Variants in TRIP11 observed in about 807,000 individuals in gnomAD.
TRIP11 encodes thyroid receptor-interacting protein 11.
In TRIP11, 148 loss-of-function variants were observed where a neutral mutation model predicts 223.1. That is an observed-to-expected ratio of 0.66 (90% confidence interval 0.58 to 0.76). TRIP11 has a LOEUF of 0.76. Ranked by LOEUF, TRIP11 falls within the 30% of genes least tolerant of loss-of-function variation. The pLI is 0.00. For missense variants in TRIP11, 2,043 were observed against 2,222.0 expected (o/e 0.92, Z 1.62); for synonymous variants, 762 against 772.6 (o/e 0.99, Z 0.23).
Position 92,004,606 on chromosome 14 carries a change from C to T in TRIP11, c.3370G>A (p.Asp1124Asn), listed in dbSNP as rs1466692158. 6.2e-7 allele frequency: 1 copy of T among 1,613,980 alleles called. No homozygotes were observed. The highest frequency in any genetic ancestry group is 1.3e-5 in the African/African-American group (1 of 74,920). Reference protein sequence around the residue: ...HLKTEYHKMMDIVAAKEAALI... With the variant: ...HLKTEYHKMMNIVAAKEAALI... ...GCTGCTTCCTTGGCAGCAACAATAT[C>T]CATCATTTTGTGATATTCTGTTTTT... is the stretch of plus-strand genomic sequence containing the variant. Residue 1124 changes from aspartate to asparagine, a missense_variant, in exon 11 of 21, where the codon GAT becomes AAT. Coordinates refer to ENST00000267622, the MANE Select transcript of TRIP11 (RefSeq NM_004239.4).
rs777164940 is a variant in TRIP11, at chr14:92,004,893, C to T, written c.3083G>A (p.Arg1028Gln). Residue 1028 changes from arginine to glutamine, a missense_variant, in exon 11 of 21, where the codon CGA becomes CAA. Arg to Gln is a conservative substitution (Grantham distance 43). Transcript: ENST00000267622. ...TERLVKGIKE[R>Q]ELEIKLLNEK... ...ATTTAGAAGTTTAATCTCCAGTTCT[C>T]GCTCTTTTATTCCTTTCACTAATCT... 191 of 1,613,728 alleles carry T rather than the reference C, an allele frequency of 1.2e-4. No homozygotes were observed. The highest frequency in any genetic ancestry group is 1.6e-4 in the Non-Finnish European group (188 of 1,179,990).
intron 9 of TRIP11, among the ~76,000 whole-genome samples, chr14:92,009,677 C>G (rs916837031): frequency 6.6e-6 from 1 of 152,016 alleles, no homozygotes; most frequent in African/African-American, 2.4e-5. Flanking sequence ...CAGTGTAGTG[C>G]CCACAACTAA....
intron 1 of TRIP11, among the ~76,000 whole-genome samples, chr14:92,039,043 GT>G (rs1324119211): frequency 1.3e-5 from 2 of 152,078 alleles, no homozygotes; most frequent in African/African-American, 4.8e-5. Context: ...ATAAGGAAAA[GT>G]AAAAAATAAT....
At chr14:91,998,602 G>A (rs1353517868) in intron 13 of TRIP11, among the ~76,000 whole-genome samples, 1 of 151,388 alleles carries the variant, frequency 6.6e-6, no homozygotes, top group Admixed American at 6.6e-5. Context: ...AGTATAAAAA[G>A]GCACACAAAA....
Position 92,039,985 on chromosome 14 carries a change from C to A in TRIP11, c.-300G>T, listed in dbSNP as rs2057367291. ...CTTCTTTCTCAGCTCTAATGACTTT[C>A]CTCAGTTCCGTGGGTTACTCCTGCC... is the stretch of plus-strand genomic sequence containing the variant. On this transcript the variant is annotated 5_prime_UTR_variant, in exon 1 of 21. It introduces an in-frame stop codon into an upstream open reading frame of the 5' UTR. Transcript: ENST00000267622. 1 of 494,780 alleles carries A rather than the reference C, an allele frequency of 2.0e-6. No individual in the cohort carries two copies. The highest frequency in any genetic ancestry group is 1.9e-5 in the African/African-American group (1 of 52,154). The allele number at this position is 494,780 out of a possible 1,614,324, so 30.6% of individuals were successfully genotyped here.
intron 9 of TRIP11, among the ~76,000 whole-genome samples, chr14:92,010,770 T>C (rs1245433989): frequency 6.6e-6 from 1 of 151,914 alleles, no homozygotes; most frequent in East Asian, 1.9e-4. Context: ...TCTGTGTGCC[T>C]ACTAGCTTAT....
At chr14:91,999,843 A>G (rs1224460318) in intron 12 of TRIP11, 125 bp downstream of exon 12, 2 of 1,288,400 alleles carry the variant, frequency 1.6e-6, no homozygotes, top group South Asian at 2.6e-5. Context: ...ACTACTGCAC[A>G]GCAGAGGAAG....
intron 18 of TRIP11, 41 bp from the exon 19 acceptor site, chr14:91,974,784 AG>A (rs1226003442): frequency 1.4e-6 from 2 of 1,432,942 alleles, no homozygotes; most frequent in Non-Finnish European, 1.9e-6. Context: ...TATCAGTACA[AG>A]AAAAAAAAAA....
chr14:91,992,347 A>C (rs2056685186), intron 15 of TRIP11, among the ~76,000 whole-genome samples: 1 of 152,168 alleles, frequency 6.6e-6, no homozygotes. Context: ...GAAGGGGTGC[A>C]TAAGGAACTT....
intron 1 of TRIP11, among the ~76,000 whole-genome samples, chr14:92,036,935 G>A (rs1181171853): frequency 6.6e-6 from 1 of 152,084 alleles, no homozygotes; most frequent in African/African-American, 2.4e-5. Flanking sequence ...TCCCTATGTT[G>A]CCCAGGCTAG....
chr14:91,987,258 A>G (rs1429435519), intron 16 of TRIP11, among the ~76,000 whole-genome samples: 2 of 152,132 alleles, frequency 1.3e-5, no homozygotes, highest in African/African-American at 4.8e-5. Flanking sequence ...CTTGCCTCAG[A>G]ATCAAGTCAT....
intron 9 of TRIP11, among the ~76,000 whole-genome samples, chr14:92,008,249 C>T (rs1285845103): frequency 6.6e-6 from 1 of 152,188 alleles, no homozygotes; most frequent in African/African-American, 2.4e-5. Flanking sequence ...TTTCTGCCTT[C>T]CTCACTTCCA....
Position 92,039,665 on chromosome 14 carries a change from G to GC in TRIP11, c.20dup (p.Leu8ProfsTer44), listed in dbSNP as rs745780497. 1.2e-6 allele frequency: 2 copies of GC among 1,612,396 alleles called. No individual in the cohort carries two copies. The highest frequency in any genetic ancestry group is 1.7e-6 in the Non-Finnish European group (2 of 1,179,384). ...GAGACTGGCCCAATCCGGAGCCGAG[G>GC]CCCCCAAGCCAGGACGACATCGCGG... On this transcript the variant is annotated frameshift_variant, in exon 1 of 21. Coordinates refer to ENST00000267622, the MANE Select transcript of TRIP11 (RefSeq NM_004239.4). LOFTEE classifies it high-confidence loss of function.
At chr14:92,008,382 G>C (rs919231383) in intron 9 of TRIP11, among the ~76,000 whole-genome samples, 1 of 152,138 alleles carries the variant, frequency 6.6e-6, no homozygotes, top group Non-Finnish European at 1.5e-5. Context: ...TCTTACTAAA[G>C]GAATTTCCCT....
At chr14:92,032,367 T>A (rs1460179604) in intron 2 of TRIP11, among the ~76,000 whole-genome samples, 2 of 151,924 alleles carry the variant, frequency 1.3e-5, no homozygotes, top group Non-Finnish European at 2.9e-5. Flanking sequence ...TCCAGGCTTG[T>A]CTCAAACTCC....
chr14:92,032,775 G>C (rs569484652), intron 2 of TRIP11, among the ~76,000 whole-genome samples: 5 of 151,008 alleles, frequency 3.3e-5, no homozygotes, highest in Non-Finnish European at 5.9e-5. Context: ...GGAGGTTGTA[G>C]TGAGCCAAGA....
intron 14 of TRIP11, among the ~76,000 whole-genome samples, chr14:91,994,328 T>G (rs2056720428): frequency 6.7e-6 from 1 of 149,480 alleles, no homozygotes; most frequent in Admixed American, 6.7e-5. Context: ...TGGTGTCATC[T>G]CGGCTCACTC....
intron 16 of TRIP11, among the ~76,000 whole-genome samples, chr14:91,979,257 C>CAAAA (rs558337126): frequency 1.1e-4 from 11 of 102,838 alleles, no homozygotes; most frequent in South Asian, 3.1e-4. Flanking sequence ...ACCCTGTCTC[C>CAAAA]AAAAAAAAAA....
At position 92,003,680 on chromosome 14, in the gene TRIP11, G is replaced by T. The variant is rs781355170; in HGVS notation, c.4296C>A (p.Asn1432Lys). 1.9e-5 allele frequency: 30 copies of T among 1,613,960 alleles called. No homozygotes were observed. The East Asian group carries it at 6.5e-4, about 35-fold the overall frequency. ...TCAAAAGTTCGTTTTCATTTACTTT[G>T]TTAGTGAAATTTTCATTGGAAGAAA... is the stretch of plus-strand genomic sequence containing the variant. ...QLLSSNENFTNKVNENELLRQ... is the reference protein window; with the variant it reads ...QLLSSNENFTKKVNENELLRQ... Residue 1432 changes from asparagine (N) to lysine (K), a missense_variant, in exon 11 of 21, where the codon AAC (asparagine) becomes AAA (lysine). Physicochemically the swap from Asn to Lys is moderately conservative, Grantham distance 94. Coordinates refer to ENST00000267622, the MANE Select transcript of TRIP11 (RefSeq NM_004239.4).
Sources: allele counts gnomAD v4.1 joint callset (sites outside exome capture counted in the v4.1 genomes callset), GRCh38; gene constraint gnomAD v4.1.1; transcripts MANE v1.5; gene names NCBI Gene and HGNC (gene_info 2026-07-23, HGNC 2026-07-21).